RBFOX2: variants seen among roughly 807,000 people sequenced by gnomAD.
RBFOX2 encodes the protein RNA binding fox-1 homolog 2, also known as RNA binding protein fox-1 homolog 2.
In RBFOX2, 10 loss-of-function variants were observed where a neutral mutation model predicts 49.1. The ratio of observed to expected loss-of-function variants is 0.20; its 90% confidence interval spans 0.13 to 0.35. The LOEUF is 0.35. RBFOX2 is among the 10% of genes least tolerant of loss of function. The pLI, the probability that RBFOX2 is intolerant of heterozygous loss-of-function variation, is 1.00. For synonymous variants in RBFOX2, 183 were observed against 187.4 expected (o/e 0.98, Z 0.19); for missense variants, 323 against 486.9 (o/e 0.66, Z 3.17).
In RBFOX2 at chr22:35,866,040, A is replaced by G. The variant is rs1450247707; in HGVS notation, c.-33-56036T>C. Among the ~76,000 whole-genome samples the G allele has an allele frequency of 2.1e-4, 32 of 152,228 alleles. 1 individual carries two copies. Among genetic ancestry groups the G allele is most frequent in the Non-Finnish European group, 1.5e-4 (10 of 68,038 alleles). Reference sequence around the variant, plus strand: ...GACACAGAGATCCAGCTGGAACTACATATGCTACAGATTGATAATTACATT... The same window carrying G: ...GACACAGAGATCCAGCTGGAACTACGTATGCTACAGATTGATAATTACATT... On this transcript the variant is annotated intron_variant, in intron 1 of 13. Transcript: ENST00000359369.
chr22:35,997,517 A>G (rs770707989), intron 1 of RBFOX2: 2 of 152,230 alleles, frequency 1.3e-5, no homozygotes, highest in Non-Finnish European at 2.9e-5. Flanking sequence ...ATTTTTAAAT[A>G]CTGTATTTAC....
At chr22:35,863,771 C>T (rs906542806) in intron 1 of RBFOX2, among the ~76,000 whole-genome samples, 2 of 152,126 alleles carry the variant, frequency 1.3e-5, no homozygotes, top group African/African-American at 4.8e-5. Flanking sequence ...ACCCTGCTCA[C>T]GATGCAAGAA....
At chr22:35,744,685 C>A (rs1409734313) in intron 11 of RBFOX2, among the ~76,000 whole-genome samples, 1 of 152,238 alleles carries the variant, frequency 6.6e-6, no homozygotes. Context: ...CTGACACGAT[C>A]CCTGCCATGT....
intron 9 of RBFOX2, among the ~76,000 whole-genome samples, chr22:35,754,867 G>A (rs1215151446): frequency 6.6e-6 from 1 of 152,166 alleles, no homozygotes. Flanking sequence ...TGTAAGTTAG[G>A]AGGTTGGACC....
rs1455650693 is a variant in RBFOX2, at chr22:35,756,173, C to G, written c.887+3715G>C. 4 of 1,479,386 alleles carry G rather than the reference C, an allele frequency of 2.7e-6. No homozygotes were observed. The East Asian group carries it at 8.0e-5, about 30-fold the overall frequency. 91.6% of individuals were successfully genotyped at this position (1,479,386 alleles called of 1,614,324 possible). A position where few individuals can be genotyped will look rare whatever the true frequency, so the allele number is the denominator to read the frequency against. ...CAGAAAATCCACACAAAAACAAAAACAAAAAAAACAAAAGAACAGAAACAC... is the reference window on the plus strand; with the variant it reads ...CAGAAAATCCACACAAAAACAAAAAGAAAAAAAACAAAAGAACAGAAACAC... On this transcript the variant is annotated intron_variant, in intron 9 of 11. Coordinates refer to ENST00000405409, the Ensembl canonical transcript of RBFOX2.
At chr22:35,763,528 C>T (rs1373578054) in intron 6 of RBFOX2, among the ~76,000 whole-genome samples, 1 of 152,216 alleles carries the variant, frequency 6.6e-6, no homozygotes, top group Non-Finnish European at 1.5e-5. Flanking sequence ...CACCACTGTA[C>T]TCCAGCCTAG....
intron 1 of RBFOX2, among the ~76,000 whole-genome samples, chr22:35,977,191 C>T (rs890738591): frequency 6.6e-6 from 1 of 151,864 alleles, no homozygotes; most frequent in African/African-American, 2.4e-5. Flanking sequence ...ACGGACAATA[C>T]CAAATAGTGG....
At chr22:35,814,946 T>A (rs1603271027) in intron 1 of RBFOX2, among the ~76,000 whole-genome samples, 1 of 152,042 alleles carries the variant, frequency 6.6e-6, no homozygotes, top group East Asian at 1.9e-4. Flanking sequence ...TTTCCCACCC[T>A]AATTTTTCAA....
At chr22:35,844,020 C>A (rs1388151420), upstream of RBFOX2, among the ~76,000 whole-genome samples, 1 of 152,178 alleles carries the variant, frequency 6.6e-6, no homozygotes, top group Non-Finnish European at 1.5e-5. Context: ...TACATCTCTT[C>A]TGAACACCAT....
intron 1 of RBFOX2, among the ~76,000 whole-genome samples, chr22:35,848,025 A>C (rs2041441337): frequency 6.6e-6 from 1 of 152,160 alleles, no homozygotes; most frequent in African/African-American, 2.4e-5. Flanking sequence ...TACTGTAATT[A>C]TTTTTTCATA....
chr22:35,923,650 C>A (rs1437204572), intron 1 of RBFOX2, among the ~76,000 whole-genome samples: 1 of 152,120 alleles, frequency 6.6e-6, no homozygotes, highest in Non-Finnish European at 1.5e-5. Context: ...CCACCCTTGG[C>A]AAATCTCTCA....
intron 1 of RBFOX2, among the ~76,000 whole-genome samples, chr22:35,859,187 T>C (rs941752796): frequency 1.2e-4 from 18 of 152,192 alleles, no homozygotes; most frequent in Admixed American, 6.5e-5. Flanking sequence ...CACCACCATC[T>C]AATTTCTCAG....
chr22:35,869,220 G>A (rs1469532138), intron 1 of RBFOX2, among the ~76,000 whole-genome samples: 2 of 152,176 alleles, frequency 1.3e-5, no homozygotes, highest in Non-Finnish European at 1.5e-5. Context: ...GTTTGTTGTG[G>A]TGCGATCTCG....
intron 1 of RBFOX2, among the ~76,000 whole-genome samples, chr22:35,893,994 G>C (rs1275075060): frequency 6.6e-6 from 1 of 152,038 alleles, no homozygotes; most frequent in Admixed American, 6.6e-5. Flanking sequence ...AGATGTTCTT[G>C]TCTTAACAAC....
chr22:35,978,510 C>A (rs1018038417), intron 1 of RBFOX2, among the ~76,000 whole-genome samples: 10 of 152,114 alleles, frequency 6.6e-5, no homozygotes, highest in Non-Finnish European at 1.5e-5. Flanking sequence ...TTTAAAAGAA[C>A]CAGAGCTTCT....
chr22:35,787,491 T>C (rs149697606), intron 2 of RBFOX2, among the ~76,000 whole-genome samples: 30 of 152,284 alleles, frequency 2.0e-4, no homozygotes, highest in Non-Finnish European at 4.1e-4. Context: ...TAAAAGTGGT[T>C]TTCTGTACAG....
At chr22:35,848,906 G>C (rs1340137883) in intron 1 of RBFOX2, among the ~76,000 whole-genome samples, 1 of 152,068 alleles carries the variant, frequency 6.6e-6, no homozygotes, top group East Asian at 1.9e-4. Flanking sequence ...AGTTATTTGA[G>C]CATGAACATG....
chr22:35,768,769 A>C (rs1941797267), intron 4 of RBFOX2, among the ~76,000 whole-genome samples: 1 of 152,192 alleles, frequency 6.6e-6, no homozygotes, highest in Non-Finnish European at 1.5e-5. Flanking sequence ...TGACTCTCTG[A>C]CATCCCAAAT....
intron 1 of RBFOX2, among the ~76,000 whole-genome samples, chr22:35,902,037 A>G (rs544904292): frequency 6.6e-6 from 1 of 152,018 alleles, no homozygotes; most frequent in Non-Finnish European, 1.5e-5. Context: ...CTGAGAATGC[A>G]CCACTGCACT....
Sources: allele counts gnomAD v4.1 joint callset (sites outside exome capture counted in the v4.1 genomes callset), GRCh38; gene constraint gnomAD v4.1.1; transcripts MANE v1.5; gene names NCBI Gene and HGNC (gene_info 2026-07-23, HGNC 2026-07-21).